Variants in AMBRA1 observed in about 807,000 individuals in gnomAD.
AMBRA1 encodes the protein autophagy and beclin 1 regulator 1.
AMBRA1 carries 47 observed loss-of-function variants against 125.4 expected under a neutral mutation model. The observed-to-expected ratio is 0.37, with a 90% confidence interval of 0.30 to 0.48. The LOEUF is 0.48. AMBRA1 is among the 20% of genes least tolerant of loss of function. AMBRA1 has a pLI of 0.99. For synonymous variants in AMBRA1, 626 were observed against 655.5 expected, an observed-to-expected ratio of 0.95 and a Z score of 0.69; for missense variants, 1,331 against 1,693.4, an observed-to-expected ratio of 0.79 and a Z score of 3.76.
intron 11 of AMBRA1, among the ~76,000 whole-genome samples, 156 bp downstream of exon 11, chr11:46,493,452 T>A (rs1309391396): frequency 1.3e-5 from 2 of 152,200 alleles, no homozygotes; most frequent in African/African-American, 4.8e-5. Context: ...ATTTCCTGCC[T>A]TCAAGTAAGG....
At chr11:46,527,477 C>CAAAAAAAA (rs59904013) in intron 7 of AMBRA1, among the ~76,000 whole-genome samples, 8 of 25,940 alleles carry the variant, frequency 3.1e-4, no homozygotes, top group African/African-American at 7.9e-4. Context: ...GAGACTGTCT[C>CAAAAAAAA]AAAAAAAAAA....
chr11:46,410,231 G>T (rs1334295228), intron 16 of AMBRA1, 45 bp downstream of exon 16: 3 of 1,589,918 alleles, frequency 1.9e-6, no homozygotes, highest in African/African-American at 2.7e-5. Flanking sequence ...AGGAGGAAGG[G>T]ATGGGCCTCC....
At chr11:46,481,455 C>T (rs1950065264) in intron 11 of AMBRA1, among the ~76,000 whole-genome samples, 1 of 152,134 alleles carries the variant, frequency 6.6e-6, no homozygotes, top group African/African-American at 2.4e-5. Flanking sequence ...ACTCTGCCTC[C>T]CGGGTTCAAG....
chr11:46,537,937 G>T (rs1952555348), intron 7 of AMBRA1, among the ~76,000 whole-genome samples: 1 of 152,146 alleles, frequency 6.6e-6, no homozygotes, highest in African/African-American at 2.4e-5. Context: ...TTTGTTAAAA[G>T]AACCAACCTC....
chr11:46,575,209 G>A (rs1445756288), intron 1 of AMBRA1, among the ~76,000 whole-genome samples: 1 of 152,050 alleles, frequency 6.6e-6, no homozygotes, highest in Non-Finnish European at 1.5e-5. Flanking sequence ...TGTAATCCCG[G>A]CACTTTGGGA....
At chr11:46,512,499 G>A (rs1373899141) in intron 8 of AMBRA1, among the ~76,000 whole-genome samples, 1 of 152,162 alleles carries the variant, frequency 6.6e-6, no homozygotes, top group Non-Finnish European at 1.5e-5. Context: ...CACACTTGCG[G>A]AAATGAGTCC....
chr11:46,512,090 A>G (rs1373547554), intron 8 of AMBRA1, among the ~76,000 whole-genome samples: 1 of 152,198 alleles, frequency 6.6e-6, no homozygotes. Flanking sequence ...TCCTGACCTC[A>G]AGTGATTTGC....
Position 46,513,266 on chromosome 11 carries a change from TTC to T in AMBRA1, c.2073-455_2073-454del, listed in dbSNP as rs1212500210. Among the ~76,000 whole-genome samples the T allele has an allele frequency of 8.7e-3, 1,163 of 133,674 alleles. 18 individuals are homozygous for T. Among genetic ancestry groups the T allele is most frequent in the African/African-American group, 0.043 (1,119 of 26,140 alleles). The allele number at this position is 133,674 out of a possible 152,430, so 87.7% of individuals were successfully genotyped here. A position where few individuals can be genotyped will look rare whatever the true frequency, so the allele number is the denominator to read the frequency against. ...CATTCTGCTCTGCCTACGCTCTTTT[TTC>T]TTTTTTTTTTTTTTGTGAGAATTGA... On this transcript the variant is annotated intron_variant, in intron 7 of 17. Transcript: ENST00000683756.
At chr11:46,515,641 T>C (rs1226641153) in intron 7 of AMBRA1, among the ~76,000 whole-genome samples, 1 of 152,116 alleles carries the variant, frequency 6.6e-6, no homozygotes, top group Non-Finnish European at 1.5e-5. Context: ...ATCTGAAGGG[T>C]TTGCATTAGG....
intron 7 of AMBRA1, among the ~76,000 whole-genome samples, chr11:46,513,076 T>C (rs1951326300): frequency 6.6e-6 from 1 of 152,200 alleles, no homozygotes; most frequent in Non-Finnish European, 1.5e-5. Context: ...TTCAGAGACA[T>C]GATCTTCTTT....
intron 17 of AMBRA1, among the ~76,000 whole-genome samples, chr11:46,401,544 C>T (rs534637982): frequency 6.4e-4 from 98 of 152,310 alleles, no homozygotes; most frequent in African/African-American, 2.3e-3. Context: ...CAGCTCTTCT[C>T]AAGTAGATTA....
chr11:46,588,816 T>C (rs1404717795), intron 1 of AMBRA1, among the ~76,000 whole-genome samples: 1 of 152,086 alleles, frequency 6.6e-6, no homozygotes. Flanking sequence ...ATGTTTTACT[T>C]TTCCATTCTT....
chr11:46,506,984 T>G (rs540992096), intron 9 of AMBRA1, among the ~76,000 whole-genome samples: 6 of 135,224 alleles, frequency 4.4e-5, no homozygotes, highest in Non-Finnish European at 9.4e-5. Flanking sequence ...GCTAACAAAG[T>G]GAAACCCCAT....
intron 1 of AMBRA1, among the ~76,000 whole-genome samples, chr11:46,552,580 G>A (rs2043039631): frequency 6.6e-6 from 1 of 151,256 alleles, no homozygotes; most frequent in Non-Finnish European, 1.5e-5. Context: ...AGCTACTCAG[G>A]GGGCTGAGGC....
chr11:46,542,885 T>C lies in AMBRA1; in HGVS notation c.1132A>G (p.Thr378Ala). Residue 378 changes from threonine (T) to alanine (A), a missense_variant, in exon 7 of 18, where the codon ACT (threonine) becomes GCT (alanine). Physicochemically the swap from Thr to Ala is moderately conservative, Grantham distance 58. Transcript: ENST00000683756. This position sits in a 1 kb window ranked among gnomAD's most constrained non-coding sequence, Gnocchi z 5.9. ...AGGTTGCGGAGCGTGTTGCCGGCAG[T>C]GCTGCTCTGGACTGTACTGAAGGCA... ...PSAFSTVQSS[T>A]AGNTLRNLSL... 1 of 1,613,006 alleles carries C rather than the reference T, an allele frequency of 6.2e-7. No homozygotes were observed. Among genetic ancestry groups the C allele is most frequent in the Non-Finnish European group, 8.5e-7 (1 of 1,179,954 alleles).
At chr11:46,515,079 G>A (rs1454336669) in intron 7 of AMBRA1, among the ~76,000 whole-genome samples, 2 of 152,208 alleles carry the variant, frequency 1.3e-5, no homozygotes, top group African/African-American at 2.4e-5. Context: ...AAAGTGCTCT[G>A]GAGTTAGTCC....
At chr11:46,577,119 G>A (rs971652659) in intron 1 of AMBRA1, among the ~76,000 whole-genome samples, 2 of 152,038 alleles carry the variant, frequency 1.3e-5, no homozygotes, top group Admixed American at 1.3e-4. Flanking sequence ...TCCTACCTAG[G>A]TATATTCCTA....
At chr11:46,470,408 T>C (rs949425805) in intron 11 of AMBRA1, among the ~76,000 whole-genome samples, 3 of 151,710 alleles carry the variant, frequency 2.0e-5, no homozygotes, top group African/African-American at 7.3e-5. Flanking sequence ...GCTAACACGG[T>C]GAAACCCTAT....
intron 1 of AMBRA1, among the ~76,000 whole-genome samples, chr11:46,550,911 C>T (rs1215665927): frequency 2.0e-5 from 3 of 148,076 alleles, no homozygotes; most frequent in African/African-American, 5.0e-5. Flanking sequence ...ACAGTGAAAC[C>T]GCGTCTCTAC....
Sources: gnomAD v4.1 joint callset for allele counts (sites outside exome capture counted in the v4.1 genomes callset) on GRCh38, gnomAD v4.1.1 for gene constraint, Gnocchi (gnomAD v3.1) non-coding constraint, MANE v1.5 for transcripts, NCBI Gene and HGNC (gene_info 2026-07-23, HGNC 2026-07-21) for gene names.